Variants in DOCK1 observed in about 807,000 individuals in gnomAD.
DOCK1 encodes the protein dedicator of cytokinesis 1.
Under a neutral mutation model 262.7 loss-of-function variants are expected in DOCK1, and 138 were observed. That is an observed-to-expected ratio of 0.53 (90% CI 0.46 to 0.61). The LOEUF is 0.61. Among genes scored for constraint, DOCK1 ranks in the 20% least tolerant of loss-of-function variants. The pLI is 0.00. For missense variants in DOCK1, 1,908 were observed against 2,370.7 expected, an observed-to-expected ratio of 0.80 and a Z score of 4.05; for synonymous variants, 866 against 867.4, an observed-to-expected ratio of 1.00 and a Z score of 0.03.
rs1274358980 is a variant in DOCK1, at chr10:127,450,274, A to G, written c.5566-1058A>G. On this transcript the variant is annotated intron_variant, in intron 51 of 51. Transcript: ENST00000623213. ...AAATCTGGGCGATGAGTGAGAGACTACTGCGTCACTGTCTATCCTTGAAAA... is the reference window on the plus strand; with the variant it reads ...AAATCTGGGCGATGAGTGAGAGACTGCTGCGTCACTGTCTATCCTTGAAAA... Among the ~76,000 whole-genome samples the G allele has an allele frequency of 3.9e-5, 6 of 152,306 alleles. No individual in the cohort carries two copies. The East Asian group carries it at 1.2e-3, about 29-fold the overall frequency.
intron 27 of DOCK1, among the ~76,000 whole-genome samples, chr10:127,179,990 G>C (rs1023269): frequency 0.035 from 5,346 of 152,266 alleles, 122 homozygotes; most frequent in Non-Finnish European, 0.057. Context: ...ACACGATTTT[G>C]GGATTTTTTG....
chr10:127,061,691 C>G lies in DOCK1; in HGVS notation c.2360C>G (p.Ala787Gly). ...AGACTGTATGAAAACAAGGGAGAGG[C>G]TGACTTCGTGGAATCTTTGCTGCAG... ...FNQLYENKGE[A>G]DFVESLLQLF... The change falls in exon 23 of 52, where the codon GCT becomes GGT. Residue 787 changes from alanine (A) to glycine (G), a missense_variant. By Grantham distance (60) the Ala-to-Gly change is moderately conservative (BLOSUM62 0). Transcript: ENST00000623213. 4 of 1,600,420 alleles carry G rather than the reference C, an allele frequency of 2.5e-6. No homozygotes were observed. Among genetic ancestry groups the G allele is most frequent in the Non-Finnish European group, 3.4e-6 (4 of 1,173,444 alleles).
At chr10:127,087,494 G>C (rs2136066061) in intron 23 of DOCK1, among the ~76,000 whole-genome samples, 1 of 152,200 alleles carries the variant, frequency 6.6e-6, no homozygotes, top group South Asian at 2.1e-4. Flanking sequence ...TAGAGTGTTG[G>C]TCCCCGGAGC....
intron 29 of DOCK1, among the ~76,000 whole-genome samples, chr10:127,308,329 C>A (rs2061949447): frequency 1.3e-5 from 2 of 152,176 alleles, no homozygotes; most frequent in African/African-American, 2.4e-5. Context: ...GGATGCTGGA[C>A]CCACTCTTGT....
At chr10:127,107,697 CA>C (rs1308854514) in intron 24 of DOCK1, among the ~76,000 whole-genome samples, 4 of 152,170 alleles carry the variant, frequency 2.6e-5, no homozygotes, top group African/African-American at 9.6e-5. Context: ...TTAGAAACTG[CA>C]CAGTGGGGCC....
At chr10:126,960,793 C>T (rs1234405506) in intron 1 of DOCK1, among the ~76,000 whole-genome samples, 1 of 33,260 alleles carries the variant, frequency 3.0e-5, no homozygotes, top group Non-Finnish European at 4.8e-5. Context: ...TGTGTATATA[C>T]ACACACACAC....
At chr10:127,287,242 G>T (rs1297731359) in intron 29 of DOCK1, among the ~76,000 whole-genome samples, 2 of 146,932 alleles carry the variant, frequency 1.4e-5, no homozygotes, top group Admixed American at 6.9e-5. Context: ...TCACTCTGTT[G>T]TCCAAGCTGG....
chr10:127,299,566 CAG>C (rs1159585773), intron 29 of DOCK1, among the ~76,000 whole-genome samples: 3 of 152,230 alleles, frequency 2.0e-5, no homozygotes, highest in African/African-American at 7.2e-5. Flanking sequence ...AGGCATGGGA[CAG>C]AGTCTTCCAG....
chr10:126,977,645 G>C (rs1311025462), intron 2 of DOCK1, among the ~76,000 whole-genome samples: 1 of 152,178 alleles, frequency 6.6e-6, no homozygotes, highest in African/African-American at 2.4e-5. Flanking sequence ...GAAAGGACAA[G>C]TCCTGCTCTT....
At chr10:126,998,403 G>C (rs2040361402) in intron 8 of DOCK1, 154 bp downstream of exon 8, 1 of 993,048 alleles carries the variant, frequency 1.0e-6, no homozygotes. Flanking sequence ...GTCTTAGACA[G>C]TGTGATGGCA....
intron 27 of DOCK1, among the ~76,000 whole-genome samples, chr10:127,173,265 T>G (rs1263039889): frequency 6.6e-6 from 1 of 152,130 alleles, no homozygotes; most frequent in South Asian, 2.1e-4. Context: ...CAGACAGTGA[T>G]CTCAACTTAC....
intron 27 of DOCK1, among the ~76,000 whole-genome samples, chr10:127,139,623 A>G (rs1383390356): frequency 6.6e-6 from 1 of 152,210 alleles, no homozygotes; most frequent in Non-Finnish European, 1.5e-5. Flanking sequence ...TGCTGCATTA[A>G]TGAAATCCGG....
At chr10:127,052,211 T>C (rs1278822849) in intron 21 of DOCK1, among the ~76,000 whole-genome samples, 3 of 152,210 alleles carry the variant, frequency 2.0e-5, no homozygotes, top group African/African-American at 7.2e-5. Flanking sequence ...AGGTATTTTA[T>C]CAGGCACATT....
At chr10:127,067,506 CTGTGTGCATTGTATGTGTGTGTGTGTA>C (rs2045948208) in intron 23 of DOCK1, among the ~76,000 whole-genome samples, 1 of 151,794 alleles carries the variant, frequency 6.6e-6, no homozygotes, top group South Asian at 2.1e-4. Context: ...GTGAGTGTGT[CTGTGTGCATTGTATGTGTGTGTGTGTA>C]TGTGTGCGTG....
rs1053892330 is a variant in DOCK1, at chr10:127,384,603, T to G, written c.3808-187T>G. On this transcript the variant is annotated intron_variant, in intron 37 of 51. Transcript: ENST00000623213. ...AACCCCACTGCAGCTATGCCTCCCC[T>G]GTGTCTTTTATGCCTGTCGGTATGT... 1.2e-4 allele frequency among the ~76,000 whole-genome samples: 19 copies of G among 152,350 alleles called. No homozygotes were observed. In the South Asian group the frequency reaches 1.4e-3, roughly 12 times the overall value.
intron 38 of DOCK1, among the ~76,000 whole-genome samples, chr10:127,387,991 G>A (rs2066234741): frequency 6.6e-6 from 1 of 152,166 alleles, no homozygotes; most frequent in African/African-American, 2.4e-5. Context: ...TCTGCAGGAG[G>A]CATTGTGGGT....
chr10:127,419,788 A>G, intron 46 of DOCK1, 39 bp downstream of exon 46: 1 of 1,551,240 alleles, frequency 6.4e-7, no homozygotes, highest in Non-Finnish European at 8.7e-7. Context: ...GCTGGAGGGA[A>G]GGAAAGCTAG....
chr10:127,433,380 T>A lies in DOCK1; in HGVS notation c.5012T>A (p.Val1671Asp). 1 of 1,613,944 alleles carries A rather than the reference T, an allele frequency of 6.2e-7. No homozygotes were observed. The highest frequency in any genetic ancestry group is 8.5e-7 in the Non-Finnish European group (1 of 1,179,892). ...SSSRPLSVAS[V>D]SSLSSDSTPS... ...TCCCGCCCTCTGTCTGTGGCCTCTG[T>A]CTCTTCCCTCTCATCGGACAGCACC... Residue 1671 changes from valine to aspartate, a missense_variant, in exon 48 of 52, where the codon GTC (valine) becomes GAC (aspartate). Around this residue, in one of 9 missense-constraint regions of DOCK1, gnomAD observed 383 missense variants for 420.1 expected, o/e 0.91. Transcript: ENST00000623213.
chr10:127,212,073 A>G (rs570085214), intron 27 of DOCK1, among the ~76,000 whole-genome samples: 16 of 152,358 alleles, frequency 1.1e-4, no homozygotes, highest in Admixed American at 2.6e-4. Flanking sequence ...AAATTATTCA[A>G]TCACCCATCA....
Sources: gnomAD v4.1 joint callset for allele counts (sites outside exome capture counted in the v4.1 genomes callset) on GRCh38, gnomAD v4.1.1 for gene constraint, gnomAD v4.1.1 regional missense constraint, MANE v1.5 for transcripts, NCBI Gene and HGNC (gene_info 2026-07-23, HGNC 2026-07-21) for gene names.